IMMP2L: variants seen among roughly 807,000 people sequenced by gnomAD.
IMMP2L encodes the protein inner mitochondrial membrane peptidase subunit 2.
In IMMP2L, 18 loss-of-function variants were observed where a neutral mutation model predicts 19.3. That is an observed-to-expected ratio of 0.93 (90% CI 0.64 to 1.38). The LOEUF (loss-of-function observed/expected upper bound fraction) is 1.38. IMMP2L is among the 40% of genes most tolerant of loss of function. The probability of loss-of-function intolerance (pLI) is 0.00; values close to 1 mark genes in which losing one functional copy is unlikely to be tolerated. For synonymous variants in IMMP2L, 76 were observed against 73.0 expected, an observed-to-expected ratio of 1.04 and a Z score of -0.21; for missense variants, 233 against 218.2, an observed-to-expected ratio of 1.07 and a Z score of -0.43.
intron 3 of IMMP2L, among the ~76,000 whole-genome samples, chr7:111,223,145 C>A (rs976240096): frequency 6.6e-6 from 1 of 151,828 alleles, no homozygotes; most frequent in Non-Finnish European, 1.5e-5. Flanking sequence ...ATATATGTAT[C>A]AAAATATAAA....
intron 3 of IMMP2L, among the ~76,000 whole-genome samples, chr7:111,187,638 A>G (rs896058017): frequency 1.6e-4 from 25 of 152,122 alleles, no homozygotes; most frequent in African/African-American, 6.0e-4. Flanking sequence ...TTAGAATTAC[A>G]TTTCAAGTAA....
At chr7:111,119,166 T>C (rs922182836) in intron 3 of IMMP2L, among the ~76,000 whole-genome samples, 2 of 152,186 alleles carry the variant, frequency 1.3e-5, no homozygotes, top group Non-Finnish European at 2.9e-5. Flanking sequence ...GAAGTAATGG[T>C]TTCTCCATTC....
chr7:110,966,438 T>C (rs1286811158), intron 3 of IMMP2L, among the ~76,000 whole-genome samples: 1 of 151,984 alleles, frequency 6.6e-6, no homozygotes, highest in Non-Finnish European at 1.5e-5. Flanking sequence ...TACTGCCTAA[T>C]ATTGAGGTGA....
chr7:111,521,527 A>C, intron 1 of IMMP2L, 78 bp from the exon 2 acceptor site: 1 of 1,327,954 alleles, frequency 7.5e-7, no homozygotes, highest in East Asian at 2.3e-5. Flanking sequence ...AGTACATGAA[A>C]AGTAAGAGTT....
At chr7:110,817,938 C>T (rs1054539115) in intron 5 of IMMP2L, among the ~76,000 whole-genome samples, 4 of 152,114 alleles carry the variant, frequency 2.6e-5, no homozygotes, top group Non-Finnish European at 4.4e-5. Context: ...GGATCCCTTC[C>T]TTACACCTTA....
At chr7:111,160,877 TAA>T (rs551619766) in intron 3 of IMMP2L, among the ~76,000 whole-genome samples, 158 of 151,278 alleles carry the variant, frequency 1.0e-3, no homozygotes, top group Middle Eastern at 3.6e-3. Flanking sequence ...GAAAAATTAA[TAA>T]GAGAGCCAAA....
At chr7:111,500,456 T>A (rs1276417648) in intron 2 of IMMP2L, among the ~76,000 whole-genome samples, 2 of 151,662 alleles carry the variant, frequency 1.3e-5, no homozygotes, top group African/African-American at 4.8e-5. Context: ...TTGAAGAGAG[T>A]AGTGGTTCTC....
At chr7:110,984,907 T>C (rs1253419468) in intron 3 of IMMP2L, among the ~76,000 whole-genome samples, 1 of 152,094 alleles carries the variant, frequency 6.6e-6, no homozygotes, top group Non-Finnish European at 1.5e-5. Context: ...CAATGGACCT[T>C]TGGGTCCCTA....
intron 3 of IMMP2L, among the ~76,000 whole-genome samples, chr7:111,378,290 T>A (rs981105965): frequency 9.9e-5 from 15 of 152,142 alleles, no homozygotes; most frequent in Middle Eastern, 3.4e-3. Flanking sequence ...ATATGTGGAT[T>A]GTATTGGCAC....
At chr7:110,835,387 C>T (rs1804354748) in intron 5 of IMMP2L, among the ~76,000 whole-genome samples, 1 of 152,098 alleles carries the variant, frequency 6.6e-6, no homozygotes. Flanking sequence ...TTTTTATAGA[C>T]TCTGAAATTT....
chr7:111,397,835 GT>G (rs1392409097), intron 3 of IMMP2L, among the ~76,000 whole-genome samples: 2 of 151,838 alleles, frequency 1.3e-5, no homozygotes, highest in East Asian at 1.9e-4. Context: ...ATCATTTCAT[GT>G]TTTTTTGACA....
chr7:111,159,202 G>A (rs150244566), intron 3 of IMMP2L, among the ~76,000 whole-genome samples: 2,789 of 152,118 alleles, frequency 0.018, 78 homozygotes, highest in African/African-American at 0.06. Flanking sequence ...TGCAACCTCC[G>A]CCTCCCAGAT....
At chr7:110,670,706 A>G (rs1791848281) in intron 5 of IMMP2L, among the ~76,000 whole-genome samples, 1 of 144,554 alleles carries the variant, frequency 6.9e-6, no homozygotes, top group Non-Finnish European at 1.5e-5. Context: ...AAAAAAAAAC[A>G]AAAAAAACAA....
At chr7:110,854,236 T>A (rs1806523868) in intron 5 of IMMP2L, among the ~76,000 whole-genome samples, 1 of 151,930 alleles carries the variant, frequency 6.6e-6, no homozygotes, top group Admixed American at 6.6e-5. Flanking sequence ...ATTTTCCATT[T>A]AAATTTTTTT....
intron 3 of IMMP2L, among the ~76,000 whole-genome samples, chr7:111,310,925 G>A (rs116448729): frequency 0.011 from 1,619 of 152,254 alleles, 30 homozygotes; most frequent in African/African-American, 0.036. Context: ...GGTTTCTAAC[G>A]CCTATTCTCC....
intron 3 of IMMP2L, among the ~76,000 whole-genome samples, chr7:111,470,182 C>G (rs1353327417): frequency 2.0e-5 from 3 of 152,290 alleles, no homozygotes; most frequent in East Asian, 1.9e-4. Flanking sequence ...GAGATACCAT[C>G]TCACACCAGT....
At chr7:110,734,130 G>T (rs939732836) in intron 5 of IMMP2L, among the ~76,000 whole-genome samples, 2 of 152,210 alleles carry the variant, frequency 1.3e-5, no homozygotes, top group African/African-American at 4.8e-5. Flanking sequence ...ATTTTAAAGT[G>T]CATTGCCATG....
chr7:111,152,293 G>A (rs6970505), intron 3 of IMMP2L, among the ~76,000 whole-genome samples: 5 of 151,900 alleles, frequency 3.3e-5, no homozygotes, highest in Non-Finnish European at 7.4e-5. Flanking sequence ...CCCTCCCTTT[G>A]AGCACTTAAT....
At chr7:110,783,581 A>G (rs1799883259) in intron 5 of IMMP2L, among the ~76,000 whole-genome samples, 1 of 151,890 alleles carries the variant, frequency 6.6e-6, no homozygotes, top group African/African-American at 2.4e-5. Flanking sequence ...TGGTATATAT[A>G]GACAGTCTTA....
Sources: gnomAD v4.1 joint callset for allele counts (sites outside exome capture counted in the v4.1 genomes callset) on GRCh38, gnomAD v4.1.1 for gene constraint, MANE v1.5 for transcripts, NCBI Gene and HGNC (gene_info 2026-07-23, HGNC 2026-07-21) for gene names.